WDFY4: variants seen among roughly 807,000 people sequenced by gnomAD.
WDFY4 encodes WDFY family member 4, also known as WD repeat- and FYVE domain-containing protein 4.
A neutral mutation model predicts 351.9 loss-of-function variants in WDFY4; 169 were observed. The ratio of observed to expected loss-of-function variants is 0.48; its 90% confidence interval spans 0.42 to 0.55. The LOEUF (loss-of-function observed/expected upper bound fraction) is 0.55, where lower values mean the gene tolerates loss of function less well. Ranked by LOEUF, WDFY4 falls within the 20% of genes least tolerant of loss-of-function variation. The probability of loss-of-function intolerance (pLI) is 0.00; values close to 1 mark genes in which losing one functional copy is unlikely to be tolerated. For synonymous variants in WDFY4, 1,622 were observed against 1,574.6 expected, an observed-to-expected ratio of 1.03 and a Z score of -0.71; for missense variants, 3,803 against 3,935.6, an observed-to-expected ratio of 0.97 and a Z score of 0.90.
chr10:48,948,145 G>A (rs73296702), intron 51 of WDFY4, among the ~76,000 whole-genome samples: 1 of 152,170 alleles, frequency 6.6e-6, no homozygotes, highest in Non-Finnish European at 1.5e-5. Context: ...AGGAGCAAAC[G>A]TCCTCCTGTC....
chr10:48,854,659 T>A (rs2889699), intron 39 of WDFY4, among the ~76,000 whole-genome samples: 1 of 151,996 alleles, frequency 6.6e-6, no homozygotes. Context: ...CTAAGGTGTC[T>A]GGATTTCTGC....
intron 59 of WDFY4, 118 bp from the exon 60 acceptor site, chr10:48,978,191 G>A (rs1033510438): frequency 9.7e-6 from 9 of 927,192 alleles, no homozygotes; most frequent in Admixed American, 2.9e-5. Context: ...GTGAAAGGGG[G>A]GCCATGTGTT....
chr10:48,742,954 G>T lies in WDFY4; in HGVS notation c.1879-14G>T. 1 of 1,535,202 alleles carries T rather than the reference G, an allele frequency of 6.5e-7. No homozygotes were observed. ...TCCTGGAGTGCACTCATTTTGATTT[G>T]CTTGGTGTTTCAGTCTCTGCTCCGG... On this transcript the variant is annotated splice_polypyrimidine_tract_variant and intron_variant, in intron 11 of 61. Coordinates refer to ENST00000325239, the MANE Select transcript of WDFY4 (RefSeq NM_001394531.1).
intron 39 of WDFY4, among the ~76,000 whole-genome samples, chr10:48,848,361 G>A (rs533180203): frequency 6.6e-6 from 1 of 152,334 alleles, no homozygotes; most frequent in Admixed American, 6.5e-5. Flanking sequence ...GGATATGTCA[G>A]CCTTCTGAGG....
chr10:48,766,202 C>T (rs1031429170), intron 13 of WDFY4, among the ~76,000 whole-genome samples: 9 of 152,202 alleles, frequency 5.9e-5, no homozygotes, highest in African/African-American at 2.2e-4. Context: ...CTCTTTCCCA[C>T]TGAGCCCCTT....
chr10:48,706,347 G>A (rs1373027151), intron 1 of WDFY4, among the ~76,000 whole-genome samples: 3 of 152,130 alleles, frequency 2.0e-5, no homozygotes, highest in Non-Finnish European at 4.4e-5. Context: ...GAGAATAGCT[G>A]AGACCTCCTT....
chr10:48,895,391 C>A (rs945390977), intron 44 of WDFY4, among the ~76,000 whole-genome samples: 1 of 152,220 alleles, frequency 6.6e-6, no homozygotes, highest in African/African-American at 2.4e-5. Context: ...CTCCCTGTCA[C>A]CTTAGGCTGG....
At chr10:48,718,587 T>C (rs996584690) in intron 2 of WDFY4, among the ~76,000 whole-genome samples, 1 of 152,184 alleles carries the variant, frequency 6.6e-6, no homozygotes, top group African/African-American at 2.4e-5. Flanking sequence ...GCCCGGAATG[T>C]GCACAGCAGC....
intron 39 of WDFY4, among the ~76,000 whole-genome samples, chr10:48,854,717 G>A (rs1450149013): frequency 1.3e-5 from 2 of 152,164 alleles, no homozygotes; most frequent in Admixed American, 6.5e-5. Context: ...GAACATGAAG[G>A]TCTTTTCCTA....
intron 11 of WDFY4, among the ~76,000 whole-genome samples, chr10:48,742,422 G>C (rs1447790061): frequency 6.6e-6 from 1 of 152,204 alleles, no homozygotes; most frequent in Non-Finnish European, 1.5e-5. Flanking sequence ...AGGGAGATAA[G>C]GAATAACAAG....
At chr10:48,808,023 T>A in intron 28 of WDFY4, 65 bp downstream of exon 28, 1 of 1,319,114 alleles carries the variant, frequency 7.6e-7, no homozygotes, top group East Asian at 2.8e-5. Context: ...GCATTAAACC[T>A]TTTCTTAATG....
chr10:48,788,880 T>C (rs1466077007), intron 21 of WDFY4, among the ~76,000 whole-genome samples: 5 of 152,244 alleles, frequency 3.3e-5, no homozygotes, highest in African/African-American at 1.2e-4. Flanking sequence ...CATTTATAAT[T>C]ATTCAGAGAA....
chr10:48,861,440 A>T (rs1262644688), intron 39 of WDFY4, among the ~76,000 whole-genome samples: 1 of 152,142 alleles, frequency 6.6e-6, no homozygotes, highest in Non-Finnish European at 1.5e-5. Flanking sequence ...TTACCCTTTA[A>T]TCCAAAGGGA....
chr10:48,749,184 T>C (rs942862723), intron 12 of WDFY4, among the ~76,000 whole-genome samples: 1 of 152,200 alleles, frequency 6.6e-6, no homozygotes, highest in Admixed American at 6.5e-5. Flanking sequence ...ATTTAAGGAA[T>C]ATTTTTCATA....
At chr10:48,749,881 G>T (rs1362507113) in intron 12 of WDFY4, among the ~76,000 whole-genome samples, 4 of 152,154 alleles carry the variant, frequency 2.6e-5, no homozygotes, top group African/African-American at 9.7e-5. Flanking sequence ...CCCCTGCCAG[G>T]CCTCGTGGGC....
intron 45 of WDFY4, among the ~76,000 whole-genome samples, chr10:48,898,332 C>T (rs540459378): frequency 3.3e-5 from 5 of 152,148 alleles, no homozygotes; most frequent in African/African-American, 4.8e-5. Flanking sequence ...TTACCCCAAG[C>T]TCAGCAATAG....
At chr10:48,836,613 A>G (rs551508404) in intron 39 of WDFY4, among the ~76,000 whole-genome samples, 89 of 152,310 alleles carry the variant, frequency 5.8e-4, no homozygotes, top group Middle Eastern at 3.4e-3. Flanking sequence ...TTCAGTAGAA[A>G]ATGTTTTATT....
chr10:48,946,827 G>C, intron 50 of WDFY4, 33 bp from the exon 51 acceptor site: 1 of 1,497,930 alleles, frequency 6.7e-7, no homozygotes, highest in Non-Finnish European at 9.1e-7. Context: ...TGCAGGTAAG[G>C]AAGCAGCCCT....
At chr10:48,856,084 G>A (rs1322063996) in intron 39 of WDFY4, among the ~76,000 whole-genome samples, 3 of 152,026 alleles carry the variant, frequency 2.0e-5, no homozygotes. Context: ...AAGTGGTATT[G>A]TTTTATGTTT....
Sources: allele counts gnomAD v4.1 joint callset (sites outside exome capture counted in the v4.1 genomes callset), GRCh38; gene constraint gnomAD v4.1.1; transcripts MANE v1.5; gene names NCBI Gene and HGNC (gene_info 2026-07-23, HGNC 2026-07-21).